KAZN: variants seen among roughly 807,000 people sequenced by gnomAD.
KAZN encodes kazrin, periplakin interacting protein.
KAZN carries 40 observed loss-of-function variants against 87.4 expected under a neutral mutation model. That is an observed-to-expected ratio of 0.46 (90% CI 0.36 to 0.60). KAZN has a LOEUF of 0.60. KAZN is among the 20% of genes least tolerant of loss of function. KAZN has a pLI of 0.00. For missense variants in KAZN, 898 were observed against 1,073.9 expected (o/e 0.84, Z 2.29); for synonymous variants, 466 against 458.3 (o/e 1.02, Z -0.22).
chr1:14,391,018 T>G (rs957528922), intron 2 of KAZN, among the ~76,000 whole-genome samples: 2 of 152,192 alleles, frequency 1.3e-5, no homozygotes, highest in Non-Finnish European at 1.5e-5. Context: ...CCTTGAAGAT[T>G]CTCAGCAGAT....
chr1:15,000,038 A>G (rs1407907056), intron 2 of KAZN, among the ~76,000 whole-genome samples: 1 of 151,994 alleles, frequency 6.6e-6, no homozygotes, highest in East Asian at 1.9e-4. Context: ...TGCAGCTGTG[A>G]CGGAGGATCT....
chr1:15,008,930 TC>T lies in KAZN; in HGVS notation c.419-25813del, dbSNP rs371239492. Among the ~76,000 whole-genome samples the T allele has an allele frequency of 9.8e-5, 15 of 152,328 alleles. No homozygotes were observed. The East Asian group carries it at 2.9e-3, about 29-fold the overall frequency. On this transcript the variant is annotated intron_variant, in intron 2 of 14. Transcript: ENST00000376030. ...CTGTAAGTAGCTCAGTTCCTGTTAT[TC>T]CCCCCTGGACAATCAGGCAGGAAAT...
intron 1 of KAZN, among the ~76,000 whole-genome samples, chr1:14,136,622 A>AGTACCCTGG (rs76239958): frequency 6.6e-6 from 1 of 151,204 alleles, no homozygotes; most frequent in African/African-American, 2.4e-5. Context: ...CCAGGTGCAC[A>AGTACCCTGG]GTACCCTGGA....
chr1:14,296,535 AT>A (rs1232279851), intron 2 of KAZN, among the ~76,000 whole-genome samples: 4 of 148,888 alleles, frequency 2.7e-5, no homozygotes, highest in Non-Finnish European at 1.5e-5. Context: ...AGCCCTTATT[AT>A]TGTTCATGAC....
At chr1:14,978,348 G>T (rs1012025228) in intron 2 of KAZN, among the ~76,000 whole-genome samples, 1 of 152,208 alleles carries the variant, frequency 6.6e-6, no homozygotes, top group Non-Finnish European at 1.5e-5. Flanking sequence ...GCAGAGTCTG[G>T]CTGGCTGTGT....
chr1:14,799,713 C>A (rs1645947109), intron 1 of KAZN, among the ~76,000 whole-genome samples: 1 of 152,188 alleles, frequency 6.6e-6, no homozygotes, highest in Non-Finnish European at 1.5e-5. Flanking sequence ...ATATAATTAA[C>A]AAGCGGATTT....
At chr1:13,939,894 T>G (rs548466985) in intron 1 of KAZN, among the ~76,000 whole-genome samples, 44 of 152,122 alleles carry the variant, frequency 2.9e-4, no homozygotes, top group Non-Finnish European at 5.3e-4. Context: ...CTCAGACTTT[T>G]AAACAACCAG....
intron 2 of KAZN, among the ~76,000 whole-genome samples, chr1:14,330,899 GA>G (rs1224328627): frequency 1.3e-5 from 2 of 152,204 alleles, no homozygotes; most frequent in South Asian, 2.1e-4. Context: ...ACCTATGGAA[GA>G]GTAATACTTT....
chr1:13,919,164 A>G (rs890587893), intron 1 of KAZN, among the ~76,000 whole-genome samples: 5 of 152,242 alleles, frequency 3.3e-5, no homozygotes, highest in Admixed American at 6.5e-5. Context: ...CACAAAGTGC[A>G]CTGCACTTAT....
chr1:14,440,279 C>G (rs763686804), intron 2 of KAZN, among the ~76,000 whole-genome samples: 1 of 152,186 alleles, frequency 6.6e-6, no homozygotes, highest in Non-Finnish European at 1.5e-5. Context: ...GCCCGCAACT[C>G]CTCTCCGTAA....
intron 1 of KAZN, among the ~76,000 whole-genome samples, chr1:14,914,286 G>C (rs1363234162): frequency 6.6e-6 from 1 of 152,194 alleles, no homozygotes; most frequent in African/African-American, 2.4e-5. Context: ...CCTGGCCCTT[G>C]ATTTGCTGTA....
chr1:14,702,333 T>TGTGTGTGTGC (rs1641969756), intron 1 of KAZN, among the ~76,000 whole-genome samples: 1 of 149,318 alleles, frequency 6.7e-6, no homozygotes. Context: ...AAACTGTGTG[T>TGTGTGTGTGC]GTGTGTGTGT....
intron 2 of KAZN, among the ~76,000 whole-genome samples, chr1:14,566,092 A>C (rs1674532813): frequency 6.6e-6 from 1 of 152,246 alleles, no homozygotes; most frequent in Non-Finnish European, 1.5e-5. Flanking sequence ...AGGAATTACT[A>C]TCTGTGGCAT....
intron 4 of KAZN, among the ~76,000 whole-genome samples, chr1:15,052,947 C>T (rs1674566953): frequency 6.6e-6 from 1 of 152,230 alleles, no homozygotes; most frequent in Non-Finnish European, 1.5e-5. Flanking sequence ...AGAGCCACCC[C>T]ACCCAGGCCT....
intron 2 of KAZN, among the ~76,000 whole-genome samples, chr1:14,412,850 A>G (rs887198772): frequency 6.6e-6 from 1 of 151,310 alleles, no homozygotes; most frequent in African/African-American, 2.4e-5. Flanking sequence ...CCTGGATATC[A>G]AGATATCATA....
intron 2 of KAZN, among the ~76,000 whole-genome samples, chr1:14,216,911 TA>T (rs1413475611): frequency 6.6e-6 from 1 of 151,818 alleles, no homozygotes; most frequent in African/African-American, 2.4e-5. Flanking sequence ...TCTCAAAAAA[TA>T]AAAAAAGTTT....
chr1:14,222,005 T>C (rs1175260336), intron 2 of KAZN: 3 of 152,174 alleles, frequency 2.0e-5, no homozygotes, highest in African/African-American at 7.2e-5. Context: ...GAAATTTGCT[T>C]CCTTAGGAAG....
chr1:15,112,581 C>T lies in KAZN; in HGVS notation c.2163+40C>T. ...GGATTTACCTGTGAGTCCTGCAGAC[C>T]CGGGAAAGGTCTTTTTTTCTCCTCC... is the stretch of plus-strand genomic sequence containing the variant. On this transcript the variant is annotated intron_variant, in intron 14 of 14. Transcript: ENST00000376030. The T allele has an allele frequency of 2.1e-6, 3 of 1,443,686 alleles. 1 individual carries two copies. Among genetic ancestry groups the T allele is most frequent in the Non-Finnish European group, 1.9e-6 (2 of 1,045,840 alleles). 89.4% of individuals were successfully genotyped at this position (1,443,686 alleles called of 1,614,324 possible).
chr1:14,288,400 G>A (rs2100738063), intron 2 of KAZN, among the ~76,000 whole-genome samples: 1 of 152,262 alleles, frequency 6.6e-6, no homozygotes, highest in Admixed American at 6.5e-5. Context: ...TCCTAGTTTA[G>A]TCTTGGGAGG....
Sources: allele counts gnomAD v4.1 joint callset (sites outside exome capture counted in the v4.1 genomes callset), GRCh38; gene constraint gnomAD v4.1.1; transcripts MANE v1.5; gene names NCBI Gene and HGNC (gene_info 2026-07-23, HGNC 2026-07-21).